PDXDC1: variants seen among roughly 807,000 people sequenced by gnomAD.
PDXDC1 encodes the protein pyridoxal-dependent decarboxylase domain-containing protein 1.
A neutral mutation model predicts 100.1 loss-of-function variants in PDXDC1; 42 were observed. That is an observed-to-expected ratio of 0.42 (90% confidence interval 0.33 to 0.54). The LOEUF (loss-of-function observed/expected upper bound fraction) is 0.54. Ranked by LOEUF, PDXDC1 falls within the 20% of genes least tolerant of loss-of-function variation. The pLI, the probability that PDXDC1 is intolerant of heterozygous loss-of-function variation, is 0.10. For synonymous variants in PDXDC1, 260 were observed against 371.7 expected, an observed-to-expected ratio of 0.70 and a Z score of 3.46; for missense variants, 636 against 979.2, an observed-to-expected ratio of 0.65 and a Z score of 4.68.
At position 15,102,890 on chromosome 16, in the gene PDXDC1, T is replaced by C. The variant is rs1019857131; in HGVS notation, c.1400-35989T>C. 2.4e-3 allele frequency among the ~76,000 whole-genome samples: 356 copies of C among 149,298 alleles called. 2 individuals carry two copies. The highest frequency in any genetic ancestry group is 2.2e-3 in the Non-Finnish European group (149 of 67,776). On this transcript the variant is annotated intron_variant, in intron 16 of 16. Coordinates refer to the PDXDC1 transcript ENST00000535621. ...GAAGTTCAAGGCTAAAGTGAGCTGA[T>C]TGAGCCATTGCACTCCAGCCTGAGC...
chr16:15,038,762 C>G, downstream of PDXDC1: 1 of 740,766 alleles, frequency 1.3e-6, no homozygotes, highest in South Asian at 1.6e-5. Flanking sequence ...AACGCAAGCT[C>G]CAGTGTAGTC....
intron 1 of PDXDC1, among the ~76,000 whole-genome samples, chr16:14,984,312 C>A (rs1385022484): frequency 6.8e-6 from 1 of 146,258 alleles, no homozygotes; most frequent in Non-Finnish European, 1.5e-5. Flanking sequence ...CCTGCACCCC[C>A]GCCTTTTTTT....
intron 5 of PDXDC1, among the ~76,000 whole-genome samples, chr16:15,004,816 A>G (rs1235048563): frequency 6.6e-6 from 1 of 152,262 alleles, no homozygotes; most frequent in Non-Finnish European, 1.5e-5. Flanking sequence ...ATCTTCCCAT[A>G]TACTTTAATC....
intron 16 of PDXDC1, chr16:15,047,958 C>T: frequency 2.5e-6 from 4 of 1,605,386 alleles, no homozygotes; most frequent in Non-Finnish European, 3.4e-6. Context: ...ATCCAATAGC[C>T]TTTTGGGATA....
At chr16:15,129,998 A>G in intron 16 of PDXDC1, 1 of 962,518 alleles carries the variant, frequency 1.0e-6, no homozygotes, top group South Asian at 1.4e-5. Flanking sequence ...CTTGTGCAGG[A>G]TGGCGGCCAT....
At chr16:15,035,064 C>A (rs1162826081) in intron 21 of PDXDC1, among the ~76,000 whole-genome samples, 1 of 152,196 alleles carries the variant, frequency 6.6e-6, no homozygotes, top group Non-Finnish European at 1.5e-5. Context: ...TAATTTCCTA[C>A]ACTCGAGCCC....
downstream of PDXDC1, among the ~76,000 whole-genome samples, chr16:15,041,291 G>A (rs1189564732): frequency 6.6e-6 from 1 of 152,136 alleles, no homozygotes; most frequent in Non-Finnish European, 1.5e-5. Context: ...AAGGCAGGGG[G>A]GTTTATACTG....
intron 16 of PDXDC1, among the ~76,000 whole-genome samples, chr16:15,122,636 C>G (rs1489329807): frequency 1.3e-5 from 2 of 151,172 alleles, no homozygotes; most frequent in East Asian, 1.9e-4. Context: ...CACCCATCTA[C>G]TCACACAGGT....
intron 16 of PDXDC1, among the ~76,000 whole-genome samples, chr16:15,101,096 A>T (rs1214929476): frequency 6.6e-6 from 1 of 152,226 alleles, no homozygotes; most frequent in South Asian, 2.1e-4. Flanking sequence ...AATGGGAATA[A>T]CTTTTTGAGC....
intron 3 of PDXDC1, among the ~76,000 whole-genome samples, chr16:15,000,761 A>T (rs1323114073): frequency 7.2e-5 from 11 of 152,098 alleles, no homozygotes; most frequent in Non-Finnish European, 1.5e-5. Context: ...AGCTGGTAAT[A>T]AATGAAGCTT....
Position 15,038,005 on chromosome 16 carries a change from G to A in PDXDC1, c.*1730G>A, listed in dbSNP as rs201035644. The A allele has an allele frequency of 4.4e-6, 7 of 1,583,130 alleles. No individual in the cohort carries two copies. The Admixed American group carries it at 1.0e-4, about 23-fold the overall frequency. The stretch of plus-strand genomic sequence containing the variant: ...ACCAATGGTCTGTCAGGCCAAGAAG[G>A]TGCTTTCTTTGGTAATTCATGTTTT... On this transcript the variant is annotated 3_prime_UTR_variant, in exon 23 of 23. Coordinates refer to ENST00000396410, the MANE Select transcript of PDXDC1 (RefSeq NM_015027.4).
intron 16 of PDXDC1, chr16:15,084,742 C>T: frequency 6.8e-7 from 1 of 1,480,042 alleles, no homozygotes; most frequent in Admixed American, 1.7e-5. Context: ...AGCATCAAAA[C>T]AAAACTGAAG....
intron 16 of PDXDC1, chr16:15,133,881 T>C: frequency 2.0e-6 from 3 of 1,518,164 alleles, no homozygotes; most frequent in South Asian, 1.2e-5. Flanking sequence ...CGGCGGGCGG[T>C]TGGGGGACAG....
Position 14,998,383 on chromosome 16 carries a change from A to G in PDXDC1, c.139A>G (p.Ile47Val), listed in dbSNP as rs1355747655. ...TGGAAAGAAGCTCATATCCGGAGATATTCCAGGCCCACTCCAGGGCAGGTA... is the reference window on the plus strand; with the variant it reads ...TGGAAAGAAGCTCATATCCGGAGATGTTCCAGGCCCACTCCAGGGCAGGTA... ...ENGKKLISGD[I>V]PGPLQGSGQD... The change falls in exon 3 of 23, where the codon ATT (isoleucine) becomes GTT (valine). Residue 47 changes from isoleucine (I) to valine (V), a missense_variant. Physicochemically the swap from Ile to Val is conservative, Grantham distance 29. This residue lies in a region of PDXDC1 where 125 missense variants were observed against 479.9 expected (regional missense o/e 0.26). Coordinates refer to ENST00000396410, the MANE Select transcript of PDXDC1 (RefSeq NM_015027.4). The G allele has an allele frequency of 3.7e-6, 6 of 1,613,356 alleles. No individual in the cohort carries two copies. Among genetic ancestry groups the G allele is most frequent in the Middle Eastern group, 1.7e-4 (1 of 6,052 alleles).
chr16:15,130,516 C>T (rs572323902), intron 16 of PDXDC1: 12 of 1,335,414 alleles, frequency 9.0e-6, no homozygotes, highest in African/African-American at 1.4e-5. Flanking sequence ...ATCGGAGTCC[C>T]AGAGCCCATA....
chr16:15,128,484 C>G, intron 16 of PDXDC1: 5 of 721,636 alleles, frequency 6.9e-6, no homozygotes, highest in Non-Finnish European at 1.2e-5. Flanking sequence ...TCCGCGCACT[C>G]AAGGAGCCAC....
At chr16:15,042,269 T>C (rs1253170307), downstream of PDXDC1, among the ~76,000 whole-genome samples, 13 of 150,542 alleles carry the variant, frequency 8.6e-5, no homozygotes, top group Non-Finnish European at 1.6e-4. Context: ...CATCGCAGTC[T>C]CCACCTCCCA....
At chr16:15,086,552 G>T in intron 16 of PDXDC1, 1 of 1,533,582 alleles carries the variant, frequency 6.5e-7, no homozygotes, top group Non-Finnish European at 8.8e-7. Flanking sequence ...GAATAGGTTG[G>T]GGGGAAAAGG....
intron 16 of PDXDC1, chr16:15,085,842 A>T (rs2045896890): frequency 7.8e-7 from 1 of 1,285,874 alleles, no homozygotes; most frequent in African/African-American, 1.5e-5. Flanking sequence ...ATGATTAATT[A>T]AACGCACAAT....
Sources: allele counts gnomAD v4.1 joint callset (sites outside exome capture counted in the v4.1 genomes callset), GRCh38; gene constraint gnomAD v4.1.1; regional missense constraint gnomAD v4.1.1; transcripts MANE v1.5; gene names NCBI Gene and HGNC (gene_info 2026-07-23, HGNC 2026-07-21).